Variants in IGFL2 observed in about 807,000 individuals in gnomAD.
IGFL2 encodes IGF like family member 2.
IGFL2 carries 7 observed loss-of-function variants against 13.9 expected under a neutral mutation model. The ratio of observed to expected loss-of-function variants is 0.51; its 90% CI spans 0.29 to 0.95. The LOEUF is 0.95. IGFL2 is among the 40% of genes least tolerant of loss of function. IGFL2 has a pLI of 0.08. For missense variants in IGFL2, 138 were observed against 147.8 expected (o/e 0.93, Z 0.34); for synonymous variants, 55 against 55.8 (o/e 0.99, Z 0.07).
the IGFL2 span, among the ~76,000 whole-genome samples, chr19:46,180,334 A>G: frequency 6.6e-6 from 1 of 151,962 alleles, no homozygotes; most frequent in Non-Finnish European, 1.5e-5. Context: ...ACCTGCCACT[A>G]TACTCGGCTA....
chr19:46,186,546 C>G, the IGFL2 span, among the ~76,000 whole-genome samples: 2 of 152,164 alleles, frequency 1.3e-5, no homozygotes, highest in African/African-American at 4.8e-5. Context: ...TTATCAGATT[C>G]ACTGTCCACA....
At chr19:46,102,214 T>C in the IGFL2 span, among the ~76,000 whole-genome samples, 26 of 152,352 alleles carry the variant, frequency 1.7e-4, no homozygotes, top group African/African-American at 6.0e-4. Context: ...CGCGCGTCTG[T>C]GTGAAGAGAT....
chr19:46,206,238 C>G, the IGFL2 span, among the ~76,000 whole-genome samples: 3 of 152,164 alleles, frequency 2.0e-5, no homozygotes, highest in African/African-American at 2.4e-5. Flanking sequence ...CTCTACCCAG[C>G]CTGACTCAGC....
At chr19:46,139,937 C>G (rs1972783243), upstream of IGFL2, among the ~76,000 whole-genome samples, 2 of 148,882 alleles carry the variant, frequency 1.3e-5, no homozygotes, top group South Asian at 4.2e-4. Flanking sequence ...ATTTCACGCA[C>G]TCACACACAC....
chr19:46,161,813 A>G (rs1160491646), downstream of IGFL2, among the ~76,000 whole-genome samples: 1 of 152,158 alleles, frequency 6.6e-6, no homozygotes, highest in Non-Finnish European at 1.5e-5. Flanking sequence ...TAGCCTGTTT[A>G]CATTAAAGGT....
chr19:46,138,127 G>GT (rs1470391614), upstream of IGFL2, among the ~76,000 whole-genome samples: 1 of 152,174 alleles, frequency 6.6e-6, no homozygotes, highest in Non-Finnish European at 1.5e-5. Context: ...TCTTGTGCTG[G>GT]TTTTTTCTCA....
downstream of IGFL2, among the ~76,000 whole-genome samples, chr19:46,162,176 G>T (rs918871288): frequency 2.4e-4 from 36 of 152,186 alleles, no homozygotes; most frequent in Non-Finnish European, 3.4e-4. Flanking sequence ...GCCTGATGGG[G>T]TTCTCTTTGT....
At chr19:46,211,720 G>A in the IGFL2 span, 1 of 152,226 alleles carries the variant, frequency 6.6e-6, no homozygotes, top group Non-Finnish European at 1.5e-5. Flanking sequence ...CAAGAACCCA[G>A]GTCTCCTGAC....
chr19:46,212,033 CTG>C, the IGFL2 span: 4 of 149,350 alleles, frequency 2.7e-5, no homozygotes, highest in African/African-American at 4.9e-5. Flanking sequence ...TTAGGGCACA[CTG>C]TCCCATTTCT....
chr19:46,117,090 TA>T, the IGFL2 span, among the ~76,000 whole-genome samples: 1 of 152,204 alleles, frequency 6.6e-6, no homozygotes, highest in African/African-American at 2.4e-5. Flanking sequence ...TTATTTTGAC[TA>T]TTTTTTTCTC....
At chr19:46,205,939 C>T in the IGFL2 span, among the ~76,000 whole-genome samples, 42 of 152,212 alleles carry the variant, frequency 2.8e-4, no homozygotes, top group African/African-American at 9.9e-4. Flanking sequence ...ATGGTGTGCC[C>T]AGATGTGCAT....
At chr19:46,108,812 G>A in the IGFL2 span, among the ~76,000 whole-genome samples, 15 of 152,340 alleles carry the variant, frequency 9.8e-5, no homozygotes, top group East Asian at 5.8e-4. Context: ...GGAGTTTTGA[G>A]TTTATGGATA....
upstream of IGFL2, among the ~76,000 whole-genome samples, chr19:46,141,724 C>A (rs555034646): frequency 6.6e-6 from 1 of 152,120 alleles, no homozygotes; most frequent in Non-Finnish European, 1.5e-5. Context: ...CATCTTCCCA[C>A]CCTGCTTCCA....
the IGFL2 span, chr19:46,123,744 T>G: frequency 2.2e-6 from 2 of 893,104 alleles, no homozygotes; most frequent in Admixed American, 2.4e-5. Context: ...GCTTATCTGC[T>G]TCTTCTTTTT....
At chr19:46,130,792 G>C in the IGFL2 span, among the ~76,000 whole-genome samples, 1 of 152,062 alleles carries the variant, frequency 6.6e-6, no homozygotes, top group Admixed American at 6.6e-5. Flanking sequence ...TGGGTTGTTT[G>C]CTTCCTTCTT....
the IGFL2 span, among the ~76,000 whole-genome samples, chr19:46,098,042 A>G: frequency 1.3e-5 from 2 of 152,198 alleles, no homozygotes; most frequent in Non-Finnish European, 2.9e-5. Context: ...AGCTGAGTTC[A>G]AGTCCTGAAT....
chr19:46,192,849 G>A, the IGFL2 span, among the ~76,000 whole-genome samples: 8 of 152,058 alleles, frequency 5.3e-5, no homozygotes, highest in African/African-American at 1.5e-4. Flanking sequence ...TCACTTTGGC[G>A]TAGGTTTCAG....
the IGFL2 span, among the ~76,000 whole-genome samples, chr19:46,129,370 C>G: frequency 7.1e-6 from 1 of 140,116 alleles, no homozygotes; most frequent in Non-Finnish European, 1.5e-5. Context: ...TCCTTCAGTT[C>G]AGTTTTGATT....
At chr19:46,166,976 T>C in the IGFL2 span, among the ~76,000 whole-genome samples, 4 of 152,208 alleles carry the variant, frequency 2.6e-5, no homozygotes, top group Non-Finnish European at 1.5e-5. Context: ...TGGAATGATA[T>C]ACATCCTCCT....
Sources: allele counts gnomAD v4.1 joint callset (sites outside exome capture counted in the v4.1 genomes callset), GRCh38; gene constraint gnomAD v4.1.1; transcripts MANE v1.5; gene names NCBI Gene and HGNC (gene_info 2026-07-23, HGNC 2026-07-21).